KHDRBS2: variants seen among roughly 807,000 people sequenced by gnomAD.
KHDRBS2 encodes the protein KH domain-containing, RNA-binding, signal transduction-associated protein 2.
KHDRBS2 carries 26 observed loss-of-function variants against 44.3 expected under a neutral mutation model. The observed-to-expected ratio is 0.59, with a 90% confidence interval of 0.43 to 0.81. KHDRBS2 has a LOEUF of 0.81. Ranked by LOEUF, KHDRBS2 falls within the 40% of genes least tolerant of loss-of-function variation. The pLI is 0.00. For synonymous variants in KHDRBS2, 194 were observed against 151.1 expected, an observed-to-expected ratio of 1.28 and a Z score of -2.08; for missense variants, 476 against 433.1, an observed-to-expected ratio of 1.10 and a Z score of -0.88.
intron 6 of KHDRBS2, among the ~76,000 whole-genome samples, chr6:61,733,854 T>A (rs1774898673): frequency 6.6e-6 from 1 of 151,676 alleles, no homozygotes; most frequent in African/African-American, 2.4e-5. Flanking sequence ...ATTCCCTACT[T>A]CTGGAAAAAC....
chr6:61,619,747 T>A, the KHDRBS2 span, among the ~76,000 whole-genome samples: 1 of 152,112 alleles, frequency 6.6e-6, no homozygotes, highest in Admixed American at 6.6e-5. Context: ...AGTCACTGCG[T>A]CTGGCCTATT....
In KHDRBS2 at chr6:62,277,251, A is replaced by C. The variant is rs534463690; in HGVS notation, c.91+8607T>G. On this transcript the variant is annotated intron_variant, in intron 1 of 8. Coordinates refer to ENST00000281156, the MANE Select transcript of KHDRBS2 (RefSeq NM_152688.4). Reference sequence around the variant, plus strand: ...ATATATGTAGTTGAATCCCCTATAGATTATAAACCCCATAAATTAAACATT... The same window carrying C: ...ATATATGTAGTTGAATCCCCTATAGCTTATAAACCCCATAAATTAAACATT... 2.0e-5 allele frequency among the ~76,000 whole-genome samples: 3 copies of C among 152,226 alleles called. No individual in the cohort carries two copies. The South Asian group carries it at 6.2e-4, about 32-fold the overall frequency.
At chr6:61,703,503 C>G (rs545935296) in intron 7 of KHDRBS2, among the ~76,000 whole-genome samples, 75 of 151,806 alleles carry the variant, frequency 4.9e-4, no homozygotes, top group African/African-American at 1.5e-3. Flanking sequence ...TACACTGAAA[C>G]CTTATTATAC....
At chr6:61,957,927 T>A (rs1392288389) in intron 4 of KHDRBS2, among the ~76,000 whole-genome samples, 1 of 135,128 alleles carries the variant, frequency 7.4e-6, no homozygotes, top group Non-Finnish European at 1.7e-5. Context: ...TTTAAAATTT[T>A]CTCTCTTTTG....
intron 2 of KHDRBS2, among the ~76,000 whole-genome samples, chr6:62,125,634 T>A (rs1251125285): frequency 6.6e-6 from 1 of 152,016 alleles, no homozygotes; most frequent in Non-Finnish European, 1.5e-5. Context: ...CTTTGTCTTA[T>A]GACTTGGTTG....
intron 2 of KHDRBS2, among the ~76,000 whole-genome samples, chr6:62,106,858 T>A (rs1803498628): frequency 6.6e-6 from 1 of 151,878 alleles, no homozygotes; most frequent in Non-Finnish European, 1.5e-5. Context: ...ATTATCTCAA[T>A]AGATGCAGAA....
the KHDRBS2 span, among the ~76,000 whole-genome samples, chr6:61,625,004 T>C: frequency 6.6e-6 from 1 of 152,134 alleles, no homozygotes; most frequent in African/African-American, 2.4e-5. Context: ...GTCATCATCC[T>C]GGCAGGAGAA....
At chr6:61,639,841 A>G in the KHDRBS2 span, among the ~76,000 whole-genome samples, 4 of 152,116 alleles carry the variant, frequency 2.6e-5, no homozygotes, top group Non-Finnish European at 5.9e-5. Flanking sequence ...CAACCTGGTT[A>G]TAAAACATAA....
Position 61,696,628 on chromosome 6 carries a change from C to A in KHDRBS2, c.952+567G>T, listed in dbSNP as rs1767944135. 3.3e-5 allele frequency among the ~76,000 whole-genome samples: 5 copies of A among 151,980 alleles called. No individual in the cohort carries two copies. The South Asian group carries it at 1.0e-3, about 31-fold the overall frequency. On this transcript the variant is annotated intron_variant, in intron 8 of 8. Transcript: ENST00000281156. Reference sequence around the variant, plus strand: ...ACTGTATTGATATATCATAGAAATTCAATAGATCTTAACTGAGTATAATTA... The same window carrying A: ...ACTGTATTGATATATCATAGAAATTAAATAGATCTTAACTGAGTATAATTA...
At chr6:61,615,324 G>A in the KHDRBS2 span, among the ~76,000 whole-genome samples, 31 of 151,152 alleles carry the variant, frequency 2.1e-4, 1 homozygote, top group African/African-American at 6.8e-4. Flanking sequence ...TTAAAATAGT[G>A]CCTGGCTGTT....
At position 61,948,507 on chromosome 6, in the gene KHDRBS2, C is replaced by T. The variant is rs182862843; in HGVS notation, c.483+29559G>A. ...ATCAAAAGAATGAGTTTGGCATATC[C>T]AACCATCTATGCACCTCTGAGCAAG... On this transcript the variant is annotated intron_variant, in intron 4 of 8. Coordinates refer to ENST00000281156, the MANE Select transcript of KHDRBS2 (RefSeq NM_152688.4). 2.2e-3 allele frequency among the ~76,000 whole-genome samples: 340 copies of T among 151,906 alleles called. 2 individuals carry two copies. Among genetic ancestry groups the T allele is most frequent in the African/African-American group, 8.0e-3 (331 of 41,452 alleles).
chr6:61,565,943 A>G, the KHDRBS2 span, among the ~76,000 whole-genome samples: 1 of 152,050 alleles, frequency 6.6e-6, no homozygotes, highest in Non-Finnish European at 1.5e-5. Context: ...CACAATAGCT[A>G]AAATATTTGA....
chr6:61,671,952 C>A, the KHDRBS2 span, among the ~76,000 whole-genome samples: 1 of 151,802 alleles, frequency 6.6e-6, no homozygotes, highest in Non-Finnish European at 1.5e-5. Context: ...CCCACTAACT[C>A]GTCATCTAGC....
At chr6:61,550,161 T>C in the KHDRBS2 span, among the ~76,000 whole-genome samples, 1 of 152,106 alleles carries the variant, frequency 6.6e-6, no homozygotes, top group East Asian at 1.9e-4. Context: ...GTAACAAGCA[T>C]AGTACTCGAT....
At chr6:61,751,418 G>T (rs1053289341) in intron 6 of KHDRBS2, among the ~76,000 whole-genome samples, 9 of 152,078 alleles carry the variant, frequency 5.9e-5, no homozygotes, top group Non-Finnish European at 1.2e-4. Flanking sequence ...ACTTCCTCAG[G>T]GGTCACACAC....
intron 1 of KHDRBS2, among the ~76,000 whole-genome samples, chr6:62,210,105 A>C (rs979279120): frequency 6.6e-6 from 1 of 152,114 alleles, no homozygotes; most frequent in Admixed American, 6.6e-5. Context: ...ATACATCCTA[A>C]GTAAGAAAAA....
chr6:62,062,075 T>A (rs1792079998), intron 2 of KHDRBS2, among the ~76,000 whole-genome samples: 1 of 150,908 alleles, frequency 6.6e-6, no homozygotes, highest in Non-Finnish European at 1.5e-5. Flanking sequence ...CAAGAAGAGC[T>A]AACTATCCTA....
chr6:61,674,381 G>C, the KHDRBS2 span, among the ~76,000 whole-genome samples: 2 of 151,668 alleles, frequency 1.3e-5, no homozygotes, highest in Non-Finnish European at 2.9e-5. Flanking sequence ...ACAGTATTTT[G>C]GAAAATGTGT....
chr6:61,763,873 T>C (rs879310586), intron 6 of KHDRBS2, among the ~76,000 whole-genome samples: 1 of 152,198 alleles, frequency 6.6e-6, no homozygotes, highest in Non-Finnish European at 1.5e-5. Context: ...TGCAGGTTTG[T>C]TACATAGGCA....
Sources: allele counts gnomAD v4.1 joint callset (sites outside exome capture counted in the v4.1 genomes callset), GRCh38; gene constraint gnomAD v4.1.1; transcripts MANE v1.5; gene names NCBI Gene and HGNC (gene_info 2026-07-23, HGNC 2026-07-21).